Variants in ENTPD7 observed in about 807,000 individuals in gnomAD.
ENTPD7 encodes the protein ectonucleoside triphosphate diphosphohydrolase 7, also known as NTPDase 7.
Under a neutral mutation model 77.9 loss-of-function variants are expected in ENTPD7, and 53 were observed. That is an observed-to-expected ratio of 0.68 (90% CI 0.55 to 0.85). The LOEUF is 0.85. Ranked by LOEUF, ENTPD7 falls within the 40% of genes least tolerant of loss-of-function variation. The probability of loss-of-function intolerance (pLI) is 0.00; values close to 1 mark genes in which losing one functional copy is unlikely to be tolerated. For synonymous variants in ENTPD7, 248 were observed against 274.9 expected, an observed-to-expected ratio of 0.90 and a Z score of 0.97; for missense variants, 636 against 743.7, an observed-to-expected ratio of 0.86 and a Z score of 1.68.
intron 6 of ENTPD7, among the ~76,000 whole-genome samples, chr10:99,686,648 T>C (rs1316968634): frequency 1.3e-5 from 2 of 152,114 alleles, no homozygotes; most frequent in African/African-American, 4.8e-5. Context: ...GGACTGCCCA[T>C]ATTTCTTGGT....
chr10:99,660,474 G>A, intron 2 of ENTPD7: 1 of 695,346 alleles, frequency 1.4e-6, no homozygotes, highest in Non-Finnish European at 2.2e-6. Flanking sequence ...GAAAGATGCA[G>A]AACAGCAGGT....
intron 3 of ENTPD7, among the ~76,000 whole-genome samples, chr10:99,673,874 G>A (rs1490623240): frequency 1.3e-5 from 2 of 152,144 alleles, no homozygotes; most frequent in Non-Finnish European, 2.9e-5. Context: ...TACATCTTTT[G>A]GGCAGAGAAA....
At chr10:99,669,891 A>G (rs1195315652) in intron 3 of ENTPD7, among the ~76,000 whole-genome samples, 2 of 151,698 alleles carry the variant, frequency 1.3e-5, no homozygotes, top group Non-Finnish European at 2.9e-5. Context: ...CTGGGACTAC[A>G]GGCACCCGCC....
Position 99,659,945 on chromosome 10 carries a change from C to T in ENTPD7, c.-12C>T, listed in dbSNP as rs200865353. ...AGAAGGTGACAGGCGTTGAGACCAC[C>T]GAAGGGAACCCATGGCTAGGTAAGG... On this transcript the variant is annotated 5_prime_UTR_variant, in exon 2 of 13. Coordinates refer to ENST00000370489, the MANE Select transcript of ENTPD7 (RefSeq NM_020354.5). The surrounding 1 kb of genome is among the most constrained non-coding windows in gnomAD (Gnocchi z 4.1). The T allele has an allele frequency of 3.7e-6, 6 of 1,613,972 alleles. No individual in the cohort carries two copies. In the East Asian group the frequency reaches 1.1e-4, roughly 30 times the overall value.
chr10:99,698,285 A>G (rs1253576882), intron 9 of ENTPD7, among the ~76,000 whole-genome samples: 1 of 152,224 alleles, frequency 6.6e-6, no homozygotes, highest in Non-Finnish European at 1.5e-5. Flanking sequence ...CAATTTCACT[A>G]CAGACTAGGA....
At position 99,710,852 on chromosome 10, in the gene ENTPD7, A is replaced by G. The variant is rs2036358929; in HGVS notation, c.*6169A>G. ...TGTCAGTCTAAGTTACAGACAAAAA[A>G]TTCTAGGTTGACTGATTAAGAAAGC... On this transcript the variant is annotated 3_prime_UTR_variant, in exon 13 of 13. Transcript: ENST00000370489. 7 of 985,340 alleles carry G rather than the reference A, an allele frequency of 7.1e-6. No individual in the cohort carries two copies. In the South Asian group the frequency reaches 2.8e-4, roughly 40 times the overall value. The allele number at this position is 985,340 out of a possible 1,614,324, so 61.0% of individuals were successfully genotyped here. A position where few individuals can be genotyped will look rare whatever the true frequency, so the allele number is the denominator to read the frequency against.
In ENTPD7 at chr10:99,659,768, G is replaced by A. The variant is rs2035452901; in HGVS notation, c.-95-94G>A. 2.8e-6 allele frequency: 2 copies of A among 713,516 alleles called. No individual in the cohort carries two copies. The highest frequency in any genetic ancestry group is 2.9e-5 in the Admixed American group (1 of 34,708). 44.2% of individuals were successfully genotyped at this position (713,516 alleles called of 1,614,324 possible). On this transcript the variant is annotated intron_variant, in intron 1 of 12. Transcript: ENST00000370489. This position sits in a 1 kb window ranked among gnomAD's most constrained non-coding sequence, Gnocchi z 4.1. The stretch of plus-strand genomic sequence containing the variant: ...CCTGAGGAACCAGAGCAGACGGAGC[G>A]GGAGCCTGGGGAGGAGGTGGGAGCC...
chr10:99,710,039 T>C lies in ENTPD7; in HGVS notation c.*5356T>C. 1.0e-6 allele frequency: 1 copy of C among 985,472 alleles called. No homozygotes were observed. Among genetic ancestry groups the C allele is most frequent in the Non-Finnish European group, 1.2e-6 (1 of 829,936 alleles). 61.0% of individuals were successfully genotyped at this position (985,472 alleles called of 1,614,324 possible). A position where few individuals can be genotyped will look rare whatever the true frequency, so the allele number is the denominator to read the frequency against. On this transcript the variant is annotated 3_prime_UTR_variant, in exon 13 of 13. Transcript: ENST00000370489. ...AGTCTTCTGAATCACAGGCTATGTATAGCCACACATGCATGACTTCAGGCT... is the reference window on the plus strand; with the variant it reads ...AGTCTTCTGAATCACAGGCTATGTACAGCCACACATGCATGACTTCAGGCT...
chr10:99,691,854 T>G (rs11190246), intron 8 of ENTPD7, among the ~76,000 whole-genome samples: 1 of 152,090 alleles, frequency 6.6e-6, no homozygotes, highest in Non-Finnish European at 1.5e-5. Context: ...AACATGATAA[T>G]GCATTTACAT....
chr10:99,663,712 C>T (rs368075491), intron 3 of ENTPD7, among the ~76,000 whole-genome samples: 5 of 152,070 alleles, frequency 3.3e-5, no homozygotes, highest in Non-Finnish European at 7.4e-5. Flanking sequence ...CCTCCTGCCT[C>T]GGCCTCCCAA....
At position 99,704,526 on chromosome 10, in the gene ENTPD7, T is replaced by G. The variant is rs2036209361; in HGVS notation, c.1658T>G (p.Leu553Arg). ...CTCTCCTTTGTATACAACCACTATC[T>G]CTTCTTTGCCTGTATCCTGGTGGTG... ...FRLSFVYNHY[L>R]FFACILVVLL... is the part of the protein sequence containing the mutation. Residue 553 changes from leucine (L) to arginine (R), a missense_variant, in exon 13 of 13, where the codon CTC (leucine) becomes CGC (arginine). By Grantham distance (102) the Leu-to-Arg change is moderately radical. This residue lies in a region of ENTPD7 where 138 missense variants were observed against 150.9 expected (regional missense o/e 0.91). Coordinates refer to ENST00000370489, the MANE Select transcript of ENTPD7 (RefSeq NM_020354.5). 6.2e-7 allele frequency: 1 copy of G among 1,614,094 alleles called. No individual in the cohort carries two copies. The highest frequency in any genetic ancestry group is 1.1e-5 in the South Asian group (1 of 91,078).
intron 5 of ENTPD7, 54 bp downstream of exon 5, chr10:99,679,929 G>C: frequency 6.4e-7 from 1 of 1,571,154 alleles, no homozygotes. Flanking sequence ...GAGATGAAAG[G>C]CCAGTTTCAT....
intron 10 of ENTPD7, 68 bp downstream of exon 10, chr10:99,698,926 C>T: frequency 6.9e-7 from 1 of 1,445,804 alleles, no homozygotes; most frequent in Non-Finnish European, 9.4e-7. Flanking sequence ...CACTCTGTGC[C>T]AGGTGCTGTG....
In ENTPD7 at chr10:99,703,159, T is replaced by C. The variant is rs75076318; in HGVS notation, c.1583+486T>C. 3.2e-3 allele frequency among the ~76,000 whole-genome samples: 492 copies of C among 152,320 alleles called. 3 individuals carry two copies. Among genetic ancestry groups the C allele is most frequent in the African/African-American group, 0.011 (470 of 41,568 alleles). ...CAGAATTAGAATAAAGGACGTGAGATGTTTTTAGTGGGGCTACTTTCATCA... is the reference window on the plus strand; with the variant it reads ...CAGAATTAGAATAAAGGACGTGAGACGTTTTTAGTGGGGCTACTTTCATCA... On this transcript the variant is annotated intron_variant, in intron 12 of 12. Transcript: ENST00000370489.
intron 7 of ENTPD7, among the ~76,000 whole-genome samples, chr10:99,689,020 C>T (rs187263841): frequency 7.2e-5 from 11 of 152,052 alleles, no homozygotes; most frequent in Admixed American, 6.5e-4. Context: ...GCCATTTCTC[C>T]CCCATATCCC....
At chr10:99,704,420 T>G in intron 12 of ENTPD7, 32 bp from the exon 13 acceptor site, 1 of 1,610,310 alleles carries the variant, frequency 6.2e-7, no homozygotes, top group Non-Finnish European at 8.5e-7. Flanking sequence ...TTAACAGTTT[T>G]TTCCACCTAC....
At position 99,709,176 on chromosome 10, in the gene ENTPD7, A is replaced by G; in HGVS notation, c.*4493A>G. The G allele has an allele frequency of 1.0e-5, 10 of 985,400 alleles. No homozygotes were observed. The highest frequency in any genetic ancestry group is 1.1e-5 in the Non-Finnish European group (9 of 829,882). The allele number at this position is 985,400 out of a possible 1,614,324, so 61.0% of individuals were successfully genotyped here. A position where few individuals can be genotyped will look rare whatever the true frequency, so the allele number is the denominator to read the frequency against. On this transcript the variant is annotated 3_prime_UTR_variant, in exon 13 of 13. Coordinates refer to ENST00000370489, the MANE Select transcript of ENTPD7 (RefSeq NM_020354.5). ...AGCCTAGATGAAGGTATAAATGCCT[A>G]TTACATCTACCTCATTAAAGAACTT...
At chr10:99,697,280 T>C (rs1013507071) in intron 9 of ENTPD7, 1 of 152,636 alleles carries the variant, frequency 6.6e-6, no homozygotes, top group Non-Finnish European at 1.5e-5. Context: ...AAACATTGCT[T>C]GGGTTGAGGT....
At chr10:99,664,874 T>C (rs2035529556) in intron 3 of ENTPD7, among the ~76,000 whole-genome samples, 1 of 152,184 alleles carries the variant, frequency 6.6e-6, no homozygotes, top group Non-Finnish European at 1.5e-5. Flanking sequence ...GTAGAAGGAC[T>C]ACAAGTTCAA....
Sources: gnomAD v4.1 joint callset for allele counts (sites outside exome capture counted in the v4.1 genomes callset) on GRCh38, gnomAD v4.1.1 for gene constraint, gnomAD v4.1.1 regional missense constraint, Gnocchi (gnomAD v3.1) non-coding constraint, MANE v1.5 for transcripts, NCBI Gene and HGNC (gene_info 2026-07-23, HGNC 2026-07-21) for gene names.